The following DNAH9 variants were observed in gnomAD, a reference collection of about 807,000 sequenced individuals.
DNAH9 encodes dynein axonemal heavy chain 9.
In DNAH9, 345 loss-of-function variants were observed where a neutral mutation model predicts 471.6. That is an observed-to-expected ratio of 0.73 (90% CI 0.67 to 0.80). The LOEUF (loss-of-function observed/expected upper bound fraction) is 0.80. Among genes scored for constraint, DNAH9 ranks in the 30% least tolerant of loss-of-function variants. DNAH9 has a pLI of 0.00. For synonymous variants in DNAH9, 2,093 were observed against 2,123.6 expected (o/e 0.99, Z 0.40); for missense variants, 5,407 against 5,609.2 (o/e 0.96, Z 1.15).
At chr17:11,694,279 T>C in intron 21 of DNAH9, 42 bp from the exon 22 acceptor site, 1 of 1,610,836 alleles carries the variant, frequency 6.2e-7, no homozygotes, top group South Asian at 1.1e-5. Flanking sequence ...TCCATGGGTC[T>C]AGACATTCTT....
rs770103699 is a variant in DNAH9, at chr17:11,962,759, G to A, written c.13233+503G>A. ...GCTCACTGCAACCTCCGCCTCCCGA[G>A]TTCAAGCAATTCTCCTGCCTCACCT... On this transcript the variant is annotated intron_variant, in intron 68 of 68. Transcript: ENST00000262442. The surrounding 1 kb of genome is among the most constrained non-coding windows in gnomAD (Gnocchi z 4.1). Among the ~76,000 whole-genome samples, 95 of 152,048 alleles carry A rather than the reference G, an allele frequency of 6.2e-4. No homozygotes were observed. The highest frequency in any genetic ancestry group is 1.3e-4 in the Admixed American group (2 of 15,252).
At chr17:11,712,033 T>TAA (rs2074858946) in intron 26 of DNAH9, among the ~76,000 whole-genome samples, 1 of 8,642 alleles carries the variant, frequency 1.2e-4, no homozygotes. Context: ...AATATATATA[T>TAA]TTATATATAT....
intron 42 of DNAH9, 67 bp from the exon 43 acceptor site, chr17:11,797,530 C>T (rs903818143): frequency 6.7e-6 from 9 of 1,344,680 alleles, no homozygotes; most frequent in Admixed American, 6.0e-5. Context: ...AATCAGGTGT[C>T]TCTGCTCTGT....
Position 11,891,811 on chromosome 17 carries a change from G to C in DNAH9, c.11147G>C (p.Arg3716Thr), listed in dbSNP as rs1175704146. Reference sequence around the variant, plus strand: ...ATCGTCTTCCAGAAGGCTGTGGAGAGGGCTGCTCCTGACGAAAGCCTCAGG... The same window carrying C: ...ATCGTCTTCCAGAAGGCTGTGGAGACGGCTGCTCCTGACGAAAGCCTCAGG... ...FSIVFQKAVE[R>T]AAPDESLRER... The change falls in exon 58 of 69, where the codon AGG becomes ACG. Residue 3716 changes from arginine (R) to threonine (T), a missense_variant. By Grantham distance (71) the Arg-to-Thr change is moderately conservative. Around this residue, in one of 3 missense-constraint regions of DNAH9, gnomAD observed 4,636 missense variants for 4,900.3 expected, o/e 0.95. Coordinates refer to ENST00000262442, the MANE Select transcript of DNAH9 (RefSeq NM_001372.4). 2.5e-6 allele frequency: 4 copies of C among 1,613,974 alleles called. No individual in the cohort carries two copies. Among genetic ancestry groups the C allele is most frequent in the Non-Finnish European group, 3.4e-6 (4 of 1,180,010 alleles).
intron 59 of DNAH9, among the ~76,000 whole-genome samples, chr17:11,899,959 A>G (rs1351777850): frequency 2.6e-5 from 4 of 152,190 alleles, no homozygotes; most frequent in African/African-American, 9.6e-5. Flanking sequence ...GTAACAGGCA[A>G]GTAAACCAGA....
chr17:11,800,499 T>C (rs1344038287), intron 43 of DNAH9, among the ~76,000 whole-genome samples: 1 of 152,156 alleles, frequency 6.6e-6, no homozygotes, highest in Non-Finnish European at 1.5e-5. Flanking sequence ...AATAAACTAT[T>C]CCTTGCCTCT....
At chr17:11,608,420 G>T in intron 2 of DNAH9, 95 bp downstream of exon 2, 1 of 961,630 alleles carries the variant, frequency 1.0e-6, no homozygotes, top group Non-Finnish European at 1.6e-6. Context: ...TCCTGACTCT[G>T]CACATCTCCT....
At chr17:11,721,986 C>T (rs11657375) in intron 27 of DNAH9, among the ~76,000 whole-genome samples, 17,020 of 152,096 alleles carry the variant, frequency 0.11, 1,237 homozygotes, top group African/African-American at 0.2. Context: ...AGAATGTCAG[C>T]TTTAAAGCCA....
In DNAH9 at chr17:11,951,473, G is replaced by A. The variant is rs1975358271; in HGVS notation, c.12843+8988G>A. Among the ~76,000 whole-genome samples, 4 of 152,200 alleles carry A rather than the reference G, an allele frequency of 2.6e-5. No homozygotes were observed. In the South Asian group the frequency reaches 8.3e-4, roughly 32 times the overall value. ...AAGTGGGTGGATCACTTGAGGCCAG[G>A]AGTTTGAGACCAGCCTAGCCAACAT... On this transcript the variant is annotated intron_variant, in intron 67 of 68. Transcript: ENST00000262442.
intron 67 of DNAH9, among the ~76,000 whole-genome samples, chr17:11,959,179 G>A (rs1234820542): frequency 6.6e-6 from 1 of 152,116 alleles, no homozygotes; most frequent in Admixed American, 6.6e-5. Flanking sequence ...GGGACTGCCT[G>A]CTTTCTCTCT....
At chr17:11,836,251 C>T (rs749558143) in intron 49 of DNAH9, among the ~76,000 whole-genome samples, 49 of 152,168 alleles carry the variant, frequency 3.2e-4, no homozygotes, top group Admixed American at 3.9e-4. Flanking sequence ...TTGAATTCTG[C>T]ATTGTCACCT....
At chr17:11,774,074 T>A (rs374942415) in intron 38 of DNAH9, among the ~76,000 whole-genome samples, 99 of 152,248 alleles carry the variant, frequency 6.5e-4, no homozygotes, top group African/African-American at 2.3e-3. Context: ...AGGTTGAGGT[T>A]GCAGTGAGCC....
intron 14 of DNAH9, 25 bp from the exon 15 acceptor site, chr17:11,664,808 A>T: frequency 1.9e-6 from 3 of 1,602,888 alleles, no homozygotes; most frequent in Non-Finnish European, 2.6e-6. Flanking sequence ...AACGAGGTTT[A>T]TATCCTTTCT....
rs764779218 is a variant in DNAH9, at chr17:11,950,371, C to A, written c.12843+7886C>A. 3.3e-5 allele frequency among the ~76,000 whole-genome samples: 5 copies of A among 152,204 alleles called. 1 individual carries two copies. The South Asian group carries it at 6.2e-4, about 19-fold the overall frequency. On this transcript the variant is annotated intron_variant, in intron 67 of 68. Transcript: ENST00000262442. ...AAAGTAGTTTCACTGCCCTAAAATTCCTTTGTATTGGATATATTTTAAACT... is the reference window on the plus strand; with the variant it reads ...AAAGTAGTTTCACTGCCCTAAAATTACTTTGTATTGGATATATTTTAAACT...
chr17:11,893,311 C>T (rs1426794229), intron 58 of DNAH9, among the ~76,000 whole-genome samples: 3 of 152,080 alleles, frequency 2.0e-5, no homozygotes, highest in Non-Finnish European at 4.4e-5. Context: ...CCATTTCCTA[C>T]TCCATGGAAC....
Position 11,891,703 on chromosome 17 carries a change from TC to T in DNAH9, c.11113-73del. The T allele has an allele frequency of 2.7e-6, 4 of 1,495,196 alleles. No individual in the cohort carries two copies. In the South Asian group the frequency reaches 5.3e-5, roughly 20 times the overall value. 92.6% of individuals were successfully genotyped at this position (1,495,196 alleles called of 1,614,324 possible). ...TCTATGGGCTGGAAAACTATCACAT[TC>T]TTCGCAGGTAAGACCACTAGTGTAT... On this transcript the variant is annotated intron_variant, in intron 57 of 68. Transcript: ENST00000262442.
chr17:11,928,109 T>TTATG (rs748710180), intron 62 of DNAH9, among the ~76,000 whole-genome samples: 2,510 of 149,780 alleles, frequency 0.017, 16 homozygotes, highest in Non-Finnish European at 0.027. Flanking sequence ...ATTTATTTAT[T>TTATG]TATTTATTTA....
chr17:11,740,872 G>A (rs891654695), intron 29 of DNAH9, among the ~76,000 whole-genome samples: 6 of 152,136 alleles, frequency 3.9e-5, no homozygotes, highest in African/African-American at 1.2e-4. Context: ...AACAATCAGT[G>A]TAACCATTTG....
At chr17:11,769,580 G>T (rs529035341) in intron 38 of DNAH9, among the ~76,000 whole-genome samples, 5 of 152,310 alleles carry the variant, frequency 3.3e-5, no homozygotes, top group African/African-American at 9.6e-5. Flanking sequence ...CAAGAGCAAG[G>T]TGTTCAACAC....
Sources: gnomAD v4.1 joint callset for allele counts (sites outside exome capture counted in the v4.1 genomes callset) on GRCh38, gnomAD v4.1.1 for gene constraint, gnomAD v4.1.1 regional missense constraint, Gnocchi (gnomAD v3.1) non-coding constraint, MANE v1.5 for transcripts, NCBI Gene and HGNC (gene_info 2026-07-23, HGNC 2026-07-21) for gene names.